EBAG9: variants seen among roughly 807,000 people sequenced by gnomAD.
EBAG9 encodes receptor-binding cancer antigen expressed on SiSo cells.
A neutral mutation model predicts 30.9 loss-of-function variants in EBAG9; 16 were observed. That is an observed-to-expected ratio of 0.52 (90% confidence interval 0.35 to 0.79). The LOEUF (loss-of-function observed/expected upper bound fraction) is 0.79, where lower values mean the gene tolerates loss of function less well. EBAG9 is among the 30% of genes least tolerant of loss of function. EBAG9 has a pLI of 0.01. For synonymous variants in EBAG9, 93 were observed against 82.8 expected, an observed-to-expected ratio of 1.12 and a Z score of -0.67; for missense variants, 197 against 242.1, an observed-to-expected ratio of 0.81 and a Z score of 1.24.
chr8:109,557,196 A>G (rs951670160), intron 5 of EBAG9, among the ~76,000 whole-genome samples, 154 bp downstream of exon 5: 2 of 152,210 alleles, frequency 1.3e-5, no homozygotes, highest in Non-Finnish European at 2.9e-5. Flanking sequence ...CTGGAGTTTT[A>G]CCAATCCTAA....
chr8:109,554,934 C>T, intron 4 of EBAG9, 47 bp downstream of exon 4: 2 of 1,529,788 alleles, frequency 1.3e-6, no homozygotes, highest in Middle Eastern at 1.8e-4. Context: ...TTTTTAGATT[C>T]CTATAGTTAA....
intron 1 of EBAG9, among the ~76,000 whole-genome samples, chr8:109,547,020 A>T (rs1293247728): frequency 1.3e-5 from 2 of 151,664 alleles, no homozygotes; most frequent in African/African-American, 4.9e-5. Context: ...TCTTTTATTT[A>T]TTTATTTATT....
At chr8:109,552,507 T>C (rs1043779724) in intron 2 of EBAG9, among the ~76,000 whole-genome samples, 5 of 152,176 alleles carry the variant, frequency 3.3e-5, no homozygotes, top group Non-Finnish European at 7.4e-5. Flanking sequence ...TGGGTATTAA[T>C]TGCCAGAAGG....
chr8:109,563,463 C>T, intron 6 of EBAG9: 1 of 1,597,664 alleles, frequency 6.3e-7, no homozygotes, highest in Non-Finnish European at 8.5e-7. Context: ...CCTCCACTCC[C>T]TACATTAACC....
intron 2 of EBAG9, among the ~76,000 whole-genome samples, chr8:109,551,717 T>A (rs1821497882): frequency 6.6e-6 from 1 of 152,064 alleles, no homozygotes; most frequent in South Asian, 2.1e-4. Flanking sequence ...GGATTTTAGG[T>A]TGTAATTAAA....
intron 1 of EBAG9, among the ~76,000 whole-genome samples, chr8:109,542,950 T>C (rs1465944750): frequency 6.6e-6 from 1 of 151,904 alleles, no homozygotes; most frequent in Non-Finnish European, 1.5e-5. Flanking sequence ...TAGATTACAG[T>C]GGAAATAGGA....
At chr8:109,543,589 T>C (rs1038127242) in intron 1 of EBAG9, among the ~76,000 whole-genome samples, 1 of 152,204 alleles carries the variant, frequency 6.6e-6, no homozygotes, top group Non-Finnish European at 1.5e-5. Context: ...TATTAGATCT[T>C]AGCTCTCTAA....
At chr8:109,553,351 A>G (rs1821531459) in intron 2 of EBAG9, among the ~76,000 whole-genome samples, 2 of 152,230 alleles carry the variant, frequency 1.3e-5, no homozygotes, top group Non-Finnish European at 2.9e-5. Context: ...TTAACAACTG[A>G]GTTATAGTAC....
chr8:109,555,664 G>A (rs968986455), intron 4 of EBAG9, among the ~76,000 whole-genome samples: 1 of 152,046 alleles, frequency 6.6e-6, no homozygotes, highest in African/African-American at 2.4e-5. Context: ...ACTGATGCAG[G>A]ACTCTAAGAA....
chr8:109,546,757 A>C (rs1016328793), intron 1 of EBAG9, among the ~76,000 whole-genome samples: 1 of 152,236 alleles, frequency 6.6e-6, no homozygotes, highest in African/African-American at 2.4e-5. Flanking sequence ...TAGAGCTTAA[A>C]AAATACTATA....
At chr8:109,541,614 A>G (rs147222928) in intron 1 of EBAG9, among the ~76,000 whole-genome samples, 7 of 152,306 alleles carry the variant, frequency 4.6e-5, no homozygotes, top group East Asian at 3.9e-4. Context: ...ACTGAGACCT[A>G]TAAATACCAG....
chr8:109,545,350 A>G (rs1586685730), intron 1 of EBAG9, among the ~76,000 whole-genome samples: 1 of 147,938 alleles, frequency 6.8e-6, no homozygotes, highest in Non-Finnish European at 1.5e-5. Flanking sequence ...AAAGGCTACC[A>G]AAATAATGCC....
chr8:109,564,051 C>A (rs913875268), intron 6 of EBAG9, among the ~76,000 whole-genome samples: 1 of 152,022 alleles, frequency 6.6e-6, no homozygotes, highest in Admixed American at 6.6e-5. Flanking sequence ...TCAAGCTTTT[C>A]TGAATGGTAT....
At position 109,559,985 on chromosome 8, in the gene EBAG9, T is replaced by C. The variant is rs553703242; in HGVS notation, c.430-853T>C. Among the ~76,000 whole-genome samples the C allele has an allele frequency of 1.1e-4, 17 of 152,288 alleles. No individual in the cohort carries two copies. In the South Asian group the frequency reaches 2.5e-3, roughly 22 times the overall value. Reference sequence around the variant, plus strand: ...AATATTTTAAGAATTTTTAACAGAGTATGGTATTACATATATTCTCAGGAG... The same window carrying C: ...AATATTTTAAGAATTTTTAACAGAGCATGGTATTACATATATTCTCAGGAG... On this transcript the variant is annotated intron_variant, in intron 5 of 6. Transcript: ENST00000337573.
chr8:109,550,923 G>T lies in EBAG9; in HGVS notation c.83+16G>T. The T allele has an allele frequency of 6.6e-7, 1 of 1,508,178 alleles. No homozygotes were observed. The highest frequency in any genetic ancestry group is 9.1e-7 in the Non-Finnish European group (1 of 1,100,668). The allele number at this position is 1,508,178 out of a possible 1,614,324, so 93.4% of individuals were successfully genotyped here. On this transcript the variant is annotated intron_variant, in intron 2 of 6. Transcript: ENST00000337573. ...TAATATGCAGGTAAATAAGTTTTAT[G>T]TTCAAACTAACCTGTTTATCTCCTC...
chr8:109,548,257 C>G (rs1821425357), intron 1 of EBAG9, among the ~76,000 whole-genome samples: 2 of 151,626 alleles, frequency 1.3e-5, no homozygotes, highest in East Asian at 1.9e-4. Flanking sequence ...AATAACTATT[C>G]TTTTCTCTCT....
At position 109,564,523 on chromosome 8, in the gene EBAG9, G is replaced by A. The variant is rs1242002404; in HGVS notation, c.606G>A (p.Lys202=). The A allele has an allele frequency of 6.2e-7, 1 of 1,612,530 alleles. No homozygotes were observed. The highest frequency in any genetic ancestry group is 8.5e-7 in the Non-Finnish European group (1 of 1,178,996). The change falls in exon 7 of 7, where the codon AAG becomes AAA. Residue 202 remains lysine (K), a synonymous_variant. Coordinates refer to ENST00000337573, the MANE Select transcript of EBAG9 (RefSeq NM_004215.5). ...AAAAGGAAGCACAACGGCTAATGAA[G>A]AAGGAACAAAACAAAATTGGTGTGA... ...KMEKEAQRLM[K]KEQNKIGVKL... is the part of the protein sequence containing the mutation.
At chr8:109,563,604 T>G in intron 6 of EBAG9, 1 of 1,477,250 alleles carries the variant, frequency 6.8e-7, no homozygotes, top group Non-Finnish European at 9.0e-7. Flanking sequence ...AAACTTAAGT[T>G]CAGGGGGACA....
intron 6 of EBAG9, among the ~76,000 whole-genome samples, chr8:109,562,171 G>C (rs1305145157): frequency 6.6e-6 from 1 of 151,950 alleles, no homozygotes; most frequent in African/African-American, 2.4e-5. Flanking sequence ...GTAATTATTA[G>C]TGCCATTAAC....
Sources: gnomAD v4.1 joint callset for allele counts (sites outside exome capture counted in the v4.1 genomes callset) on GRCh38, gnomAD v4.1.1 for gene constraint, MANE v1.5 for transcripts, NCBI Gene and HGNC (gene_info 2026-07-23, HGNC 2026-07-21) for gene names.